The following FSTL5 variants were observed in gnomAD, a reference collection of about 807,000 sequenced individuals.
FSTL5 encodes the protein follistatin like 5, also known as follistatin-related protein 5.
In FSTL5, 62 loss-of-function variants were observed where a neutral mutation model predicts 89.1. That is an observed-to-expected ratio of 0.70 (90% CI 0.57 to 0.86). The LOEUF is 0.86. Among genes scored for constraint, FSTL5 ranks in the 40% least tolerant of loss-of-function variants. The pLI, the probability that FSTL5 is intolerant of heterozygous loss-of-function variation, is 0.00. For missense variants in FSTL5, 1,057 were observed against 1,001.6 expected (o/e 1.06, Z -0.75); for synonymous variants, 383 against 346.2 (o/e 1.11, Z -1.18).
intron 13 of FSTL5, among the ~76,000 whole-genome samples, chr4:161,472,266 C>T (rs141067550): frequency 2.0e-5 from 3 of 152,260 alleles, no homozygotes; most frequent in Non-Finnish European, 4.4e-5. Flanking sequence ...CGTGAGCCAC[C>T]GCACCTGGCC....
rs1314291988 is a variant in FSTL5 at position 161,481,150 on chromosome 4, G to T, written c.1478C>A (p.Ala493Asp). 6.2e-7 allele frequency: 1 copy of T among 1,609,502 alleles called. No homozygotes were observed. Among genetic ancestry groups the T allele is most frequent in the East Asian group, 2.2e-5 (1 of 44,694 alleles). ...LGFQDEVCPK[A>D]EGDEVQRCVW... ...ACACCTCTGAACTTCATCTCCCTCA[G>T]CTTTGGGACAGACTTCATCCTGTAA... The change falls in exon 13 of 16, where the codon GCT becomes GAT. Residue 493 changes from alanine (A) to aspartate (D), a missense_variant. Ala to Asp is a moderately radical substitution (Grantham distance 126, BLOSUM62 -2). This residue lies in a region of FSTL5 where 980 missense variants were observed against 903.2 expected (regional missense o/e 1.08). Transcript: ENST00000306100.
intron 4 of FSTL5, among the ~76,000 whole-genome samples, chr4:161,890,983 A>T (rs986665513): frequency 6.6e-6 from 1 of 152,146 alleles, no homozygotes; most frequent in Non-Finnish European, 1.5e-5. Flanking sequence ...CATAAAAAAA[A>T]ATTAGCTGGT....
chr4:162,106,056 T>TA (rs1356503199), intron 2 of FSTL5, among the ~76,000 whole-genome samples: 2 of 152,144 alleles, frequency 1.3e-5, no homozygotes, highest in East Asian at 1.9e-4. Context: ...TATCGAAAGT[T>TA]AAAAAAATCA....
At chr4:161,872,931 G>T (rs979344135) in intron 4 of FSTL5, among the ~76,000 whole-genome samples, 1 of 152,042 alleles carries the variant, frequency 6.6e-6, no homozygotes, top group Non-Finnish European at 1.5e-5. Context: ...ATTGGAATGA[G>T]AGGGGAAAAA....
At chr4:161,460,089 A>T (rs982423441) in intron 13 of FSTL5, among the ~76,000 whole-genome samples, 3 of 152,018 alleles carry the variant, frequency 2.0e-5, no homozygotes, top group Admixed American at 1.3e-4. Flanking sequence ...ATTAATTTCC[A>T]GGAGTAGGTA....
rs543737459 is a variant in FSTL5 at position 161,985,511 on chromosome 4, A to G, written c.160+48114T>C. Among the ~76,000 whole-genome samples, 33 of 152,148 alleles carry G rather than the reference A, an allele frequency of 2.2e-4. 1 individual carries two copies. In the South Asian group the frequency reaches 3.9e-3, roughly 18 times the overall value. On this transcript the variant is annotated intron_variant, in intron 3 of 15. Transcript: ENST00000306100. Reference sequence around the variant, plus strand: ...ATAAAGAAATCTGTTTTTGAACAAGATAAGTTTCTTAAAAATACAATGTCT... The same window carrying G: ...ATAAAGAAATCTGTTTTTGAACAAGGTAAGTTTCTTAAAAATACAATGTCT...
At chr4:161,477,565 T>C (rs1170802318) in intron 13 of FSTL5, among the ~76,000 whole-genome samples, 1 of 151,566 alleles carries the variant, frequency 6.6e-6, no homozygotes, top group Admixed American at 6.6e-5. Context: ...TCTTAATTTT[T>C]CATTTATATT....
At chr4:161,833,842 C>T (rs1409466416) in intron 4 of FSTL5, among the ~76,000 whole-genome samples, 1 of 151,708 alleles carries the variant, frequency 6.6e-6, no homozygotes, top group East Asian at 2.0e-4. Flanking sequence ...TCCAATTTGC[C>T]AGTCTGTGTC....
At chr4:162,129,627 T>C (rs921895995) in intron 1 of FSTL5, among the ~76,000 whole-genome samples, 4 of 152,166 alleles carry the variant, frequency 2.6e-5, no homozygotes, top group Non-Finnish European at 4.4e-5. Flanking sequence ...AAATATATCA[T>C]AGCAGTATTA....
At chr4:161,957,073 AC>A (rs1189593834) in intron 3 of FSTL5, among the ~76,000 whole-genome samples, 1 of 152,022 alleles carries the variant, frequency 6.6e-6, no homozygotes, top group Non-Finnish European at 1.5e-5. Flanking sequence ...GCAGATGCTA[AC>A]AAAAATAAAT....
rs117733985 is a variant in FSTL5 at position 161,612,674 on chromosome 4, A to C, written c.895-25099T>G. 7.3e-3 allele frequency among the ~76,000 whole-genome samples: 1,105 copies of C among 152,330 alleles called. 16 individuals carry two copies. The highest frequency in any genetic ancestry group is 0.047 in the South Asian group (229 of 4,826). ...ATTAGCGTATTACTTCAGTGAGGCC[A>C]TGTTGACGCTATAAAACGTCAGAAG... On this transcript the variant is annotated intron_variant, in intron 7 of 15. Transcript: ENST00000306100.
At chr4:161,918,817 T>G (rs899318592) in intron 4 of FSTL5, among the ~76,000 whole-genome samples, 1 of 151,964 alleles carries the variant, frequency 6.6e-6, no homozygotes, top group African/African-American at 2.4e-5. Flanking sequence ...CTAATTTTTG[T>G]ATTTTTGTAG....
chr4:161,802,602 A>G (rs926820554), intron 4 of FSTL5, among the ~76,000 whole-genome samples: 1 of 151,746 alleles, frequency 6.6e-6, no homozygotes, highest in Non-Finnish European at 1.5e-5. Flanking sequence ...GCTAATACCT[A>G]GGATGCTCTT....
At chr4:161,686,519 CA>C (rs1340202763) in intron 6 of FSTL5, among the ~76,000 whole-genome samples, 1 of 150,572 alleles carries the variant, frequency 6.6e-6, no homozygotes, top group Non-Finnish European at 1.5e-5. Flanking sequence ...CCACCATGCC[CA>C]GCTAATTTTT....
At chr4:161,997,835 A>G (rs1736345100) in intron 3 of FSTL5, among the ~76,000 whole-genome samples, 2 of 151,704 alleles carry the variant, frequency 1.3e-5, no homozygotes, top group Admixed American at 1.3e-4. Context: ...CGATCTCCTG[A>G]CCTCGTGATC....
chr4:161,719,347 T>G (rs1346391344), intron 6 of FSTL5, among the ~76,000 whole-genome samples: 2 of 152,206 alleles, frequency 1.3e-5, no homozygotes, highest in African/African-American at 4.8e-5. Context: ...TACTGTAGCT[T>G]TGAAATGGAT....
rs562890361 is a variant in FSTL5 at position 161,972,141 on chromosome 4, G to A, written c.161-51489C>T. On this transcript the variant is annotated intron_variant, in intron 3 of 15. Coordinates refer to ENST00000306100, the MANE Select transcript of FSTL5 (RefSeq NM_020116.5). The stretch of plus-strand genomic sequence containing the variant: ...GAGTTTCGCTCTTGTCTCCCAGGCT[G>A]GAGTGCAGTGGTGGGATCTGGGCTC... Among the ~76,000 whole-genome samples, 3 of 152,176 alleles carry A rather than the reference G, an allele frequency of 2.0e-5. No homozygotes were observed. In the East Asian group the frequency reaches 5.8e-4, roughly 29 times the overall value.
chr4:161,709,388 C>T (rs1178852840), intron 6 of FSTL5, among the ~76,000 whole-genome samples: 1 of 151,942 alleles, frequency 6.6e-6, no homozygotes. Context: ...ACTATATAAG[C>T]TTTCATTTGT....
intron 2 of FSTL5, among the ~76,000 whole-genome samples, chr4:162,040,788 T>C (rs933378205): frequency 6.6e-6 from 1 of 152,058 alleles, no homozygotes; most frequent in East Asian, 1.9e-4. Context: ...CTGAACATTC[T>C]ATCTAAATCA....
Sources: allele counts gnomAD v4.1 joint callset (sites outside exome capture counted in the v4.1 genomes callset), GRCh38; gene constraint gnomAD v4.1.1; regional missense constraint gnomAD v4.1.1; transcripts MANE v1.5; gene names NCBI Gene and HGNC (gene_info 2026-07-23, HGNC 2026-07-21).